ZFHX4: variants seen among roughly 807,000 people sequenced by gnomAD.
The protein encoded by ZFHX4 is zinc finger homeobox 4.
Under a neutral mutation model 267.6 loss-of-function variants are expected in ZFHX4, and 56 were observed. The observed-to-expected ratio is 0.21, with a 90% CI of 0.17 to 0.26. ZFHX4 has a LOEUF of 0.26. Among genes scored for constraint, ZFHX4 ranks in the 10% least tolerant of loss-of-function variants. The pLI, the probability that ZFHX4 is intolerant of heterozygous loss-of-function variation, is 1.00. For missense variants in ZFHX4, 4,332 were observed against 4,420.0 expected (o/e 0.98, Z 0.56); for synonymous variants, 1,778 against 1,665.6 (o/e 1.07, Z -1.64).
In ZFHX4 at chr8:76,703,120, C is replaced by T. The variant is rs74624735; in HGVS notation, c.-46-923C>T. Among the ~76,000 whole-genome samples the T allele has an allele frequency of 9.0e-3, 1,367 of 151,926 alleles. 19 individuals carry two copies. Among genetic ancestry groups the T allele is most frequent in the African/African-American group, 0.031 (1,276 of 41,390 alleles). On this transcript the variant is annotated intron_variant, in intron 1 of 10. Transcript: ENST00000651372. ...AACAAATAGGGTTTCTGGTCTAAGACGCCTGCTTGCAAAAAAACTTTAAAA... is the reference window on the plus strand; with the variant it reads ...AACAAATAGGGTTTCTGGTCTAAGATGCCTGCTTGCAAAAAAACTTTAAAA...
intron 4 of ZFHX4, among the ~76,000 whole-genome samples, chr8:76,795,715 T>A (rs1032146219): frequency 1.3e-5 from 2 of 151,920 alleles, no homozygotes; most frequent in African/African-American, 4.8e-5. Context: ...GCTAATCTTG[T>A]TTTTAGTAGA....
intron 1 of ZFHX4, among the ~76,000 whole-genome samples, chr8:76,687,511 G>C (rs1398605358): frequency 6.6e-6 from 1 of 152,200 alleles, no homozygotes; most frequent in African/African-American, 2.4e-5. Context: ...TAATAGACCA[G>C]AGTGAGTCTC....
chr8:76,800,003 C>T (rs953213632), intron 4 of ZFHX4, among the ~76,000 whole-genome samples: 1 of 151,976 alleles, frequency 6.6e-6, no homozygotes. Flanking sequence ...TGTTGCAGTT[C>T]GTCCTTGACA....
At chr8:76,805,863 A>G (rs774645162) in intron 4 of ZFHX4, among the ~76,000 whole-genome samples, 2 of 152,100 alleles carry the variant, frequency 1.3e-5, no homozygotes, top group Admixed American at 6.6e-5. Flanking sequence ...AGGGGAAAAA[A>G]AAAGGTTTAA....
chr8:76,769,535 G>A (rs966859228), intron 3 of ZFHX4, among the ~76,000 whole-genome samples: 5 of 151,944 alleles, frequency 3.3e-5, no homozygotes, highest in Non-Finnish European at 7.4e-5. Flanking sequence ...ATTTTTTGTA[G>A]ATACAGGAGT....
intron 4 of ZFHX4, chr8:76,782,198 C>A (rs779854547): frequency 2.3e-6 from 1 of 436,286 alleles, no homozygotes; most frequent in South Asian, 1.6e-5. Flanking sequence ...CAGAGCCCAA[C>A]AGGCTCATCA....
rs770521801 is a variant in ZFHX4, at chr8:76,853,918, A to G, written c.6997A>G (p.Lys2333Glu). 6.2e-7 allele frequency: 1 copy of G among 1,613,792 alleles called. No individual in the cohort carries two copies. The highest frequency in any genetic ancestry group is 1.3e-5 in the African/African-American group (1 of 74,894). ...CTTTGACTTGATTACGCATCAGAAA[A>G]AGCAGTGTTACAAGGATGAAGATGA... ...RIFDLITHQK[K>E]QCYKDEDDDA... The change falls in exon 10 of 11, where the codon AAG becomes GAG. Residue 2333 changes from lysine to glutamate, a missense_variant. This residue lies in a region of ZFHX4 where 1,648 missense variants were observed against 1,625.0 expected (regional missense o/e 1.01). Coordinates refer to ENST00000651372, the MANE Select transcript of ZFHX4 (RefSeq NM_024721.5).
Position 76,707,875 on chromosome 8 carries a change from G to A in ZFHX4, c.2920G>A (p.Val974Met). Residue 974 changes from valine to methionine, a missense_variant, in exon 3 of 11, where the codon GTG (valine) becomes ATG (methionine). By Grantham distance (21) the Val-to-Met change is conservative. Around this residue, in one of 7 missense-constraint regions of ZFHX4, gnomAD observed 1,371 missense variants for 1,423.1 expected, o/e 0.96. Transcript: ENST00000651372. ...TAAACATATGCAGAAATATCAACTG[G>A]TGGCTCACATTAAAGAAGGGGGCAA... Reference protein sequence around the residue: ...TDKHMQKYQLVAHIKEGGKSN... With the variant: ...TDKHMQKYQLMAHIKEGGKSN... 3.1e-6 allele frequency: 5 copies of A among 1,614,014 alleles called. No individual in the cohort carries two copies. The highest frequency in any genetic ancestry group is 2.7e-5 in the African/African-American group (2 of 75,008).
At position 76,705,745 on chromosome 8, in the gene ZFHX4, G is replaced by A. The variant is rs1478614606; in HGVS notation, c.1657G>A (p.Gly553Ser). 2 of 1,613,996 alleles carry A rather than the reference G, an allele frequency of 1.2e-6. No homozygotes were observed. The highest frequency in any genetic ancestry group is 1.7e-6 in the Non-Finnish European group (2 of 1,179,888). The part of the protein sequence containing the change: ...RASGSVASNY[G>S]ISGKDFADAS... Reference sequence around the variant, plus strand: ...CAGTGGCAGTGTTGCTAGTAACTATGGCATCAGTGGCAAGGACTTTGCAGA... The same window carrying A: ...CAGTGGCAGTGTTGCTAGTAACTATAGCATCAGTGGCAAGGACTTTGCAGA... Residue 553 changes from glycine to serine, a missense_variant, in exon 2 of 11, where the codon GGC (glycine) becomes AGC (serine). By Grantham distance (56) the Gly-to-Ser change is moderately conservative. Coordinates refer to ENST00000651372, the MANE Select transcript of ZFHX4 (RefSeq NM_024721.5).
chr8:76,685,344 T>A (rs1196024176), intron 1 of ZFHX4, among the ~76,000 whole-genome samples: 1 of 152,180 alleles, frequency 6.6e-6, no homozygotes, highest in Admixed American at 6.5e-5. Context: ...TCAATAAGTC[T>A]CAAGTCTATT....
At chr8:76,843,239 T>C (rs990364333) in intron 6 of ZFHX4, among the ~76,000 whole-genome samples, 5 of 152,206 alleles carry the variant, frequency 3.3e-5, no homozygotes, top group Non-Finnish European at 7.3e-5. Context: ...TTCCTTGCTT[T>C]TTTACAACTT....
chr8:76,720,223 T>C (rs1288872614), intron 3 of ZFHX4, among the ~76,000 whole-genome samples: 1 of 152,152 alleles, frequency 6.6e-6, no homozygotes, highest in Non-Finnish European at 1.5e-5. Context: ...TTTGTCTCTA[T>C]AGATTTGCCT....
At chr8:76,683,758 C>T (rs190882975) in intron 1 of ZFHX4, 1 of 148,826 alleles carries the variant, frequency 6.7e-6, no homozygotes, top group African/African-American at 2.5e-5. Flanking sequence ...TCCCTATAAA[C>T]GTGGAGTGGT....
chr8:76,753,148 G>C (rs892112517), intron 3 of ZFHX4, among the ~76,000 whole-genome samples: 13 of 152,226 alleles, frequency 8.5e-5, no homozygotes, highest in African/African-American at 3.1e-4. Context: ...CAACAACATA[G>C]AATAACCATA....
chr8:76,694,091 C>T (rs1331345201), intron 1 of ZFHX4, among the ~76,000 whole-genome samples: 1 of 152,134 alleles, frequency 6.6e-6, no homozygotes, highest in Non-Finnish European at 1.5e-5. Flanking sequence ...GCTGTGGCTC[C>T]TCAGATGAAT....
At position 76,705,137 on chromosome 8, in the gene ZFHX4, C is replaced by G; in HGVS notation, c.1049C>G (p.Thr350Ser). The change falls in exon 2 of 11, where the codon ACT becomes AGT. Residue 350 changes from threonine (T) to serine (S), a missense_variant. Physicochemically the swap from Thr to Ser is moderately conservative, Grantham distance 58. Around this residue, in one of 7 missense-constraint regions of ZFHX4, gnomAD observed 1,195 missense variants for 1,173.6 expected, o/e 1.02. Transcript: ENST00000651372. ...KSTSVYPHFS[T>S]TNLIGPDPTF... ...ACTTCTGTTTATCCCCATTTTTCTA[C>G]TACAAACCTCATAGGACCCGATCCA... 1 of 1,613,690 alleles carries G rather than the reference C, an allele frequency of 6.2e-7. No individual in the cohort carries two copies. Among genetic ancestry groups the G allele is most frequent in the Non-Finnish European group, 8.5e-7 (1 of 1,179,824 alleles).
intron 3 of ZFHX4, among the ~76,000 whole-genome samples, chr8:76,749,126 A>G (rs1809548187): frequency 2.0e-5 from 3 of 152,208 alleles, no homozygotes; most frequent in Admixed American, 1.3e-4. Context: ...TTTAAAGTTG[A>G]TACTACATGT....
chr8:76,801,400 C>T (rs550265421), intron 4 of ZFHX4, among the ~76,000 whole-genome samples: 1 of 152,130 alleles, frequency 6.6e-6, no homozygotes, highest in Non-Finnish European at 1.5e-5. Context: ...GACCGTTTAA[C>T]CTTATTGTTT....
chr8:76,719,676 A>C (rs1034588584), intron 3 of ZFHX4, among the ~76,000 whole-genome samples: 24 of 152,288 alleles, frequency 1.6e-4, no homozygotes, highest in African/African-American at 5.5e-4. Flanking sequence ...TTTGGTCTTA[A>C]AGATATAATA....
Sources: gnomAD v4.1 joint callset for allele counts (sites outside exome capture counted in the v4.1 genomes callset) on GRCh38, gnomAD v4.1.1 for gene constraint, gnomAD v4.1.1 regional missense constraint, MANE v1.5 for transcripts, NCBI Gene and HGNC (gene_info 2026-07-23, HGNC 2026-07-21) for gene names.